Variants in CIT observed in about 807,000 individuals in gnomAD.
CIT encodes citron rho-interacting serine/threonine kinase.
A neutral mutation model predicts 272.7 loss-of-function variants in CIT; 79 were observed. The observed-to-expected ratio is 0.29, with a 90% confidence interval of 0.24 to 0.35. CIT has a LOEUF of 0.35. Ranked by LOEUF, CIT falls within the 10% of genes least tolerant of loss-of-function variation. CIT has a pLI of 1.00. For missense variants in CIT, 1,909 were observed against 2,618.3 expected (o/e 0.73, Z 5.91); for synonymous variants, 948 against 995.6 (o/e 0.95, Z 0.90).
At chr12:119,869,414 C>A (rs1039441648) in intron 2 of CIT, among the ~76,000 whole-genome samples, 3 of 152,146 alleles carry the variant, frequency 2.0e-5, no homozygotes, top group African/African-American at 7.2e-5. Context: ...TTTCTTTCAC[C>A]AGCACCTGGG....
At chr12:119,745,208 T>TA (rs1239472445) in intron 23 of CIT, among the ~76,000 whole-genome samples, 3,247 of 108,322 alleles carry the variant, frequency 0.03, 76 homozygotes, top group African/African-American at 0.078. Context: ...AAGAAAATCT[T>TA]AAAAAAAAAA....
intron 7 of CIT, 98 bp from the exon 8 acceptor site, chr12:119,825,466 A>T (rs990413886): frequency 1.8e-6 from 2 of 1,101,156 alleles, no homozygotes; most frequent in African/African-American, 3.1e-5. Context: ...TTTGCCACTG[A>T]TTACTATTCT....
At chr12:119,709,781 AGAGAGAGTGTGT>A (rs1957062281) in intron 39 of CIT, among the ~76,000 whole-genome samples, 2 of 58,234 alleles carry the variant, frequency 3.4e-5, no homozygotes, top group Non-Finnish European at 7.0e-5. Flanking sequence ...AGAGAGAGAG[AGAGAGAGTGTGT>A]GTGTGTGTGT....
intron 3 of CIT, 31 bp downstream of exon 3, chr12:119,869,029 C>G (rs749259026): frequency 1.9e-6 from 3 of 1,607,906 alleles, no homozygotes; most frequent in Non-Finnish European, 2.5e-6. Context: ...TCTCTCAGGA[C>G]AGTTTTCAAG....
At chr12:119,790,639 TC>T (rs1239832997) in intron 10 of CIT, among the ~76,000 whole-genome samples, 1 of 152,106 alleles carries the variant, frequency 6.6e-6, no homozygotes, top group Non-Finnish European at 1.5e-5. Context: ...AGCCCTGTGA[TC>T]CCCATGAGAG....
chr12:119,809,447 T>C (rs1021714043), intron 9 of CIT, among the ~76,000 whole-genome samples: 11 of 152,128 alleles, frequency 7.2e-5, no homozygotes, highest in Non-Finnish European at 1.5e-4. Flanking sequence ...GATATATATA[T>C]ACATATATAT....
chr12:119,822,237 T>C (rs978828407), intron 9 of CIT, among the ~76,000 whole-genome samples: 8 of 152,260 alleles, frequency 5.3e-5, no homozygotes, highest in Non-Finnish European at 4.4e-5. Context: ...CTGTTGATAA[T>C]AAACCAGGTC....
chr12:119,797,626 G>A (rs943143318), intron 10 of CIT, among the ~76,000 whole-genome samples: 1 of 152,214 alleles, frequency 6.6e-6, no homozygotes, highest in Non-Finnish European at 1.5e-5. Flanking sequence ...TGTTATTGCT[G>A]CTATTTAAAA....
chr12:119,690,116 G>A lies in CIT; in HGVS notation c.6186+35C>T, dbSNP rs778757916. 17 of 1,439,688 alleles carry A rather than the reference G, an allele frequency of 1.2e-5. No homozygotes were observed. Among genetic ancestry groups the A allele is most frequent in the Admixed American group, 2.8e-5 (1 of 35,740 alleles). The allele number at this position is 1,439,688 out of a possible 1,614,324, so 89.2% of individuals were successfully genotyped here. Reference sequence around the variant, plus strand: ...GTTCCCCAAGTCACTCCTGGCCTCCGCAACAGACACACAGGCCTCGGAATG... The same window carrying A: ...GTTCCCCAAGTCACTCCTGGCCTCCACAACAGACACACAGGCCTCGGAATG... On this transcript the variant is annotated intron_variant, in intron 47 of 47. Coordinates refer to ENST00000392521, the MANE Select transcript of CIT (RefSeq NM_001206999.2). The surrounding 1 kb of genome is among the most constrained non-coding windows in gnomAD (Gnocchi z 6.0).
At chr12:119,803,076 A>C in intron 10 of CIT, 130 bp downstream of exon 10, 4 of 635,622 alleles carry the variant, frequency 6.3e-6, no homozygotes, top group East Asian at 3.4e-5. Context: ...CTGCTTTCCC[A>C]ATGCAGGTGA....
chr12:119,873,403 G>A (rs1045143602), intron 2 of CIT, among the ~76,000 whole-genome samples: 5 of 151,306 alleles, frequency 3.3e-5, no homozygotes, highest in Middle Eastern at 6.9e-3. Flanking sequence ...TCAGCCTCCC[G>A]AGTAGCTGGG....
At chr12:119,775,023 A>G (rs10459141) in intron 16 of CIT, among the ~76,000 whole-genome samples, 68,868 of 151,984 alleles carry the variant, frequency 0.45, 16,324 homozygotes, top group Admixed American at 0.57. Flanking sequence ...CTGTAATCCC[A>G]GCACTTTGGG....
At chr12:119,698,508 T>C (rs953944751) in intron 44 of CIT, among the ~76,000 whole-genome samples, 6 of 151,564 alleles carry the variant, frequency 4.0e-5, no homozygotes, top group African/African-American at 1.2e-4. Context: ...GAGAATCACT[T>C]GAACCCAAGA....
chr12:119,766,680 C>T (rs1338287392), intron 19 of CIT, among the ~76,000 whole-genome samples: 1 of 151,924 alleles, frequency 6.6e-6, no homozygotes, highest in East Asian at 1.9e-4. Flanking sequence ...GATGGACACC[C>T]CATTCTCTAT....
In CIT at chr12:119,784,252, C is replaced by T. The variant is rs972157926; in HGVS notation, c.1402-201G>A. 2 of 1,587,212 alleles carry T rather than the reference C, an allele frequency of 1.3e-6. No individual in the cohort carries two copies. Among genetic ancestry groups the T allele is most frequent in the East Asian group, 4.7e-5 (2 of 42,726 alleles). On this transcript the variant is annotated intron_variant, in intron 11 of 47. Coordinates refer to ENST00000392521, the MANE Select transcript of CIT (RefSeq NM_001206999.2). The surrounding 1 kb of genome is among the most constrained non-coding windows in gnomAD (Gnocchi z 4.7). ...AGGACAGTCACCAAATGCTAAGTCA[C>T]TCCTCTCATTCAAGTCCCGGTTCAC...
intron 7 of CIT, among the ~76,000 whole-genome samples, chr12:119,830,667 G>A (rs2138104335): frequency 6.6e-6 from 1 of 152,188 alleles, no homozygotes; most frequent in South Asian, 2.1e-4. Context: ...GACATTTTTG[G>A]TTATCACATC....
chr12:119,719,938 G>T (rs1159988218), intron 30 of CIT, among the ~76,000 whole-genome samples: 4 of 152,192 alleles, frequency 2.6e-5, no homozygotes, highest in Non-Finnish European at 5.9e-5. Context: ...ATCTAAAAGG[G>T]TTGTTCAGTA....
chr12:119,721,227 G>A (rs1347631960), intron 29 of CIT, 82 bp downstream of exon 29: 13 of 1,320,602 alleles, frequency 9.8e-6, no homozygotes, highest in Admixed American at 2.2e-5. Context: ...TCAGCCTCCC[G>A]AAGTGCTGGG....
chr12:119,719,448 C>T (rs982532762), intron 30 of CIT, among the ~76,000 whole-genome samples: 6 of 151,806 alleles, frequency 4.0e-5, no homozygotes, highest in African/African-American at 1.5e-4. Context: ...AATGGAAACA[C>T]CCTAACTAAA....
Sources: allele counts gnomAD v4.1 joint callset (sites outside exome capture counted in the v4.1 genomes callset), GRCh38; gene constraint gnomAD v4.1.1; non-coding constraint Gnocchi (gnomAD v3.1); transcripts MANE v1.5; gene names NCBI Gene and HGNC (gene_info 2026-07-23, HGNC 2026-07-21).